Variants in TMEM132B observed in about 807,000 individuals in gnomAD.
TMEM132B encodes transmembrane protein 132B.
A neutral mutation model predicts 90.8 loss-of-function variants in TMEM132B; 18 were observed. That is an observed-to-expected ratio of 0.20 (90% CI 0.14 to 0.29). The LOEUF (loss-of-function observed/expected upper bound fraction) is 0.29. Among genes scored for constraint, TMEM132B ranks in the 10% least tolerant of loss-of-function variants. The probability of loss-of-function intolerance (pLI) is 1.00; values close to 1 mark genes in which losing one functional copy is unlikely to be tolerated. For synonymous variants in TMEM132B, 504 were observed against 523.3 expected (o/e 0.96, Z 0.50); for missense variants, 1,096 against 1,326.8 (o/e 0.83, Z 2.70).
At chr12:125,615,482 A>T (rs1885964427) in intron 5 of TMEM132B, among the ~76,000 whole-genome samples, 1 of 151,484 alleles carries the variant, frequency 6.6e-6, no homozygotes, top group Non-Finnish European at 1.5e-5. Context: ...TTCTTCTTCC[A>T]CCTCAAATCT....
chr12:125,640,270 T>C (rs754717570), intron 5 of TMEM132B, among the ~76,000 whole-genome samples: 1 of 152,106 alleles, frequency 6.6e-6, no homozygotes, highest in Non-Finnish European at 1.5e-5. Flanking sequence ...GGGAGGCCTG[T>C]GGTGAATGGA....
intron 1 of TMEM132B, among the ~76,000 whole-genome samples, chr12:125,316,697 T>G (rs2136185215): frequency 6.6e-6 from 1 of 151,534 alleles, no homozygotes; most frequent in Non-Finnish European, 1.5e-5. Flanking sequence ...GGGCAGGAAG[T>G]GCAAATGTCC....
At position 125,653,745 on chromosome 12, in the gene TMEM132B, T is replaced by C; in HGVS notation, c.2287T>C (p.Leu763=). The change falls in exon 9 of 9, where the codon TTG becomes CTG. Residue 763 remains leucine, a synonymous_variant. Transcript: ENST00000682704. ...TGCAGAGGGTGAAGGACAAGGGCCTTTGATTAAGTTAGAAATGATGATAAG... is the reference window on the plus strand; with the variant it reads ...TGCAGAGGGTGAAGGACAAGGGCCTCTGATTAAGTTAGAAATGATGATAAG... ...VVAEGEGQGP[L]IKLEMMISEP... 6.2e-7 allele frequency: 1 copy of C among 1,614,078 alleles called. No homozygotes were observed. The highest frequency in any genetic ancestry group is 8.5e-7 in the Non-Finnish European group (1 of 1,180,012).
rs1885118154 is a variant in TMEM132B at position 125,583,959 on chromosome 12, G to A, written c.1402G>A (p.Val468Met). Reference protein sequence around the residue: ...DGSVVDVSESVECKSADEDVI... With the variant: ...DGSVVDVSESMECKSADEDVI... The stretch of plus-strand genomic sequence containing the variant: ...TTCTGTGGTCGATGTGTCTGAGTCT[G>A]TGGAATGCAAGTCTGCCGATGAAGA... The change falls in exon 5 of 9, where the codon GTG becomes ATG. Residue 468 changes from valine to methionine, a missense_variant. Transcript: ENST00000682704. 1 of 1,614,202 alleles carries A rather than the reference G, an allele frequency of 6.2e-7. No individual in the cohort carries two copies. Among genetic ancestry groups the A allele is most frequent in the South Asian group, 1.1e-5 (1 of 91,086 alleles).
intron 4 of TMEM132B, among the ~76,000 whole-genome samples, chr12:125,576,247 GATA>G (rs1418582451): frequency 6.6e-6 from 1 of 151,912 alleles, no homozygotes; most frequent in Non-Finnish European, 1.5e-5. Context: ...CTGTTATAAA[GATA>G]ATTAGTTTCT....
At position 125,406,804 on chromosome 12, in the gene TMEM132B, T is replaced by C. The variant is rs145223258; in HGVS notation, c.960-8727T>C. On this transcript the variant is annotated intron_variant, in intron 2 of 8. Transcript: ENST00000682704. This position sits in a 1 kb window ranked among gnomAD's most constrained non-coding sequence, Gnocchi z 8.3. ...CAAGACCACCCTCAGGTTCAGTAAT[T>C]TTCTAGAAGGACTCAAAGAACTCAG... Among the ~76,000 whole-genome samples, 3 of 152,282 alleles carry C rather than the reference T, an allele frequency of 2.0e-5. No homozygotes were observed. The highest frequency in any genetic ancestry group is 7.2e-5 in the African/African-American group (3 of 41,554).
chr12:125,554,330 C>T (rs1024717587), intron 4 of TMEM132B, among the ~76,000 whole-genome samples: 5 of 144,672 alleles, frequency 3.5e-5, no homozygotes, highest in Non-Finnish European at 7.4e-5. Flanking sequence ...GAGGCTGAGG[C>T]AGGAGAATGG....
chr12:125,521,159 A>G (rs188511596), intron 4 of TMEM132B, among the ~76,000 whole-genome samples: 2 of 152,194 alleles, frequency 1.3e-5, no homozygotes, highest in African/African-American at 4.8e-5. Flanking sequence ...GTAGCACTGC[A>G]TTCACTGTGG....
intron 1 of TMEM132B, among the ~76,000 whole-genome samples, chr12:125,341,598 C>T (rs1292937330): frequency 6.6e-6 from 1 of 152,184 alleles, no homozygotes. Flanking sequence ...GGTGGCTCTC[C>T]TTACCCTGAC....
chr12:125,562,560 T>TCACTTAAA (rs1884560256), intron 4 of TMEM132B, among the ~76,000 whole-genome samples: 1 of 152,198 alleles, frequency 6.6e-6, no homozygotes, highest in African/African-American at 2.4e-5. Context: ...ACTCTTCCGT[T>TCACTTAAA]CACTTAAACA....
At chr12:125,496,796 C>T (rs973560991) in intron 3 of TMEM132B, among the ~76,000 whole-genome samples, 3 of 152,152 alleles carry the variant, frequency 2.0e-5, no homozygotes, top group Non-Finnish European at 4.4e-5. Flanking sequence ...TTTCCTCTAC[C>T]CCCACTTCTT....
intron 1 of TMEM132B, among the ~76,000 whole-genome samples, chr12:125,294,181 A>G (rs948999685): frequency 6.6e-6 from 1 of 152,158 alleles, no homozygotes; most frequent in Admixed American, 6.5e-5. Context: ...CTGAATTCCC[A>G]TTTCCAAGCT....
intron 1 of TMEM132B, among the ~76,000 whole-genome samples, chr12:125,226,685 C>T (rs1259877058): frequency 6.6e-6 from 1 of 152,164 alleles, no homozygotes; most frequent in Non-Finnish European, 1.5e-5. Context: ...TGGGAAAGTC[C>T]ACTCTTCCTA....
intron 3 of TMEM132B, among the ~76,000 whole-genome samples, chr12:125,509,393 T>C (rs1882924152): frequency 6.6e-6 from 1 of 152,206 alleles, no homozygotes; most frequent in Admixed American, 6.5e-5. Context: ...GATGGGGCCA[T>C]GTGACTGGTG....
At chr12:125,359,183 C>T (rs1275850439) in intron 2 of TMEM132B, among the ~76,000 whole-genome samples, 1 of 152,158 alleles carries the variant, frequency 6.6e-6, no homozygotes, top group Non-Finnish European at 1.5e-5. Context: ...TAGTTCTTGC[C>T]TTTTCCTGCA....
intron 1 of TMEM132B, among the ~76,000 whole-genome samples, chr12:125,273,395 C>A (rs761296744): frequency 2.6e-5 from 4 of 151,978 alleles, no homozygotes; most frequent in African/African-American, 9.7e-5. Context: ...AAGACCAACC[C>A]GGGCAACACA....
intron 3 of TMEM132B, among the ~76,000 whole-genome samples, chr12:125,489,742 G>A (rs776471087): frequency 6.6e-6 from 1 of 152,138 alleles, no homozygotes; most frequent in Non-Finnish European, 1.5e-5. Context: ...CACATTAGAA[G>A]CTGGGAGTTT....
At chr12:125,508,754 T>TTTTCTTTTTTTTTCTTTCTTTC (rs1882905492) in intron 3 of TMEM132B, among the ~76,000 whole-genome samples, 1 of 123,510 alleles carries the variant, frequency 8.1e-6, no homozygotes, top group African/African-American at 2.5e-5. Context: ...GTAATTAGAG[T>TTTTCTTTTTTTTTCTTTCTTTC]TTTCTTTTTT....
chr12:125,302,220 TTAGGCATGG>T (rs894608535), intron 1 of TMEM132B, among the ~76,000 whole-genome samples: 3 of 151,306 alleles, frequency 2.0e-5, no homozygotes, highest in African/African-American at 7.3e-5. Context: ...AAAAAAAAAA[TTAGGCATGG>T]TGGTGCTCTC....
Sources: allele counts gnomAD v4.1 joint callset (sites outside exome capture counted in the v4.1 genomes callset), GRCh38; gene constraint gnomAD v4.1.1; non-coding constraint Gnocchi (gnomAD v3.1); transcripts MANE v1.5; gene names NCBI Gene and HGNC (gene_info 2026-07-23, HGNC 2026-07-21).